Variants in PCDHGA3 observed in about 807,000 individuals in gnomAD.
The protein encoded by PCDHGA3 is protocadherin gamma subfamily A, 3, also known as protocadherin gamma-A3.
In PCDHGA3, 40 loss-of-function variants were observed where a neutral mutation model predicts 58.5. The ratio of observed to expected loss-of-function variants is 0.68; its 90% CI spans 0.53 to 0.89. PCDHGA3 has a LOEUF of 0.89. Among genes scored for constraint, PCDHGA3 ranks in the 40% least tolerant of loss-of-function variants. The probability of loss-of-function intolerance (pLI) is 0.00; values close to 1 mark genes in which losing one functional copy is unlikely to be tolerated. For missense variants in PCDHGA3, 1,223 were observed against 1,195.9 expected, an observed-to-expected ratio of 1.02 and a Z score of -0.33; for synonymous variants, 530 against 525.7, an observed-to-expected ratio of 1.01 and a Z score of -0.11.
In PCDHGA3 at chr5:141,477,211, C is replaced by T. The variant is rs1282763530; in HGVS notation, c.2425-17596C>T. On this transcript the variant is annotated intron_variant, in intron 1 of 3. Coordinates refer to ENST00000253812, the MANE Select transcript of PCDHGA3 (RefSeq NM_018916.4). The surrounding 1 kb of genome is among the most constrained non-coding windows in gnomAD (Gnocchi z 4.9). ...TGTACAGCCCAGTACCCGAGGATGC[C>T]CCTCTGGGGACTGTCATCGCTTTGC... 2 of 1,614,154 alleles carry T rather than the reference C, an allele frequency of 1.2e-6. No individual in the cohort carries two copies. Among genetic ancestry groups the T allele is most frequent in the East Asian group, 4.5e-5 (2 of 44,870 alleles).
rs758099753 is a variant in PCDHGA3, at chr5:141,432,129, A to G, written c.2425-62678A>G. The G allele has an allele frequency of 5.6e-6, 9 of 1,614,054 alleles. No homozygotes were observed. The highest frequency in any genetic ancestry group is 5.5e-5 in the South Asian group (5 of 91,056). On this transcript the variant is annotated intron_variant, in intron 1 of 3. Transcript: ENST00000253812. The surrounding 1 kb of genome is among the most constrained non-coding windows in gnomAD (Gnocchi z 6.0). Reference sequence around the variant, plus strand: ...CCGCCGGTCTTCCCTCAGGCCTCCTATTCCGCTTATATCCCAGAGAACAAT... The same window carrying G: ...CCGCCGGTCTTCCCTCAGGCCTCCTGTTCCGCTTATATCCCAGAGAACAAT...
chr5:141,497,210 G>T (rs988856908), intron 2 of PCDHGA3, among the ~76,000 whole-genome samples: 1 of 28,140 alleles, frequency 3.6e-5, no homozygotes, highest in African/African-American at 1.1e-3. Context: ...TGAGTGTAAT[G>T]GGGGGGGGAA....
At chr5:141,504,302 C>T (rs969760258) in intron 2 of PCDHGA3, among the ~76,000 whole-genome samples, 9 of 152,004 alleles carry the variant, frequency 5.9e-5, no homozygotes, top group African/African-American at 1.5e-4. Context: ...TTTCAACACT[C>T]GGAGTTTCTA....
At chr5:141,422,279 C>T (rs1344316011) in intron 1 of PCDHGA3, 1 of 1,557,956 alleles carries the variant, frequency 6.4e-7, no homozygotes, top group Non-Finnish European at 8.6e-7. Context: ...ATAACTATCA[C>T]CTCTTCTATT....
intron 1 of PCDHGA3, chr5:141,409,079 T>C (rs2095221320): frequency 2.5e-6 from 4 of 1,613,908 alleles, no homozygotes; most frequent in Non-Finnish European, 3.4e-6. Context: ...ACATATGTTC[T>C]CATTGGATGA....
In PCDHGA3 at chr5:141,344,463, GAACT is replaced by G; in HGVS notation, c.434_437del (p.Leu145ArgfsTer17). The stretch of plus-strand genomic sequence containing the variant: ...AGAGGAATTGGAAATAAAAATTGGT[GAACT>G]AACGGTTCCTGGAACCCGATTTCCA... On this transcript the variant is annotated frameshift_variant, in exon 1 of 4. Transcript: ENST00000253812. LOFTEE classifies it high-confidence loss of function. The G allele has an allele frequency of 6.2e-7, 1 of 1,613,882 alleles. No homozygotes were observed. Among genetic ancestry groups the G allele is most frequent in the South Asian group, 1.1e-5 (1 of 91,072 alleles).
At chr5:141,419,190 A>G in intron 1 of PCDHGA3, 1 of 1,613,930 alleles carries the variant, frequency 6.2e-7, no homozygotes, top group South Asian at 1.1e-5. Flanking sequence ...CACATTACTG[A>G]CGTCAATGAC....
rs771155381 is a variant in PCDHGA3, at chr5:141,355,726, G to T, written c.2424+9269G>T. 5.6e-6 allele frequency: 9 copies of T among 1,613,978 alleles called. No individual in the cohort carries two copies. In the South Asian group the frequency reaches 9.9e-5, roughly 18 times the overall value. ...GCAGGGTTACCAGCTCAACTCAAAC[G>T]GTTACTTTTCCCTGGACGTGCAAAG... is the stretch of plus-strand genomic sequence containing the variant. On this transcript the variant is annotated intron_variant, in intron 1 of 3. Coordinates refer to ENST00000253812, the MANE Select transcript of PCDHGA3 (RefSeq NM_018916.4).
At chr5:141,467,285 T>G (rs6870144) in intron 1 of PCDHGA3, among the ~76,000 whole-genome samples, 42,564 of 152,010 alleles carry the variant, frequency 0.28, 6,785 homozygotes, top group African/African-American at 0.45. Context: ...ACTCTTGACC[T>G]CAAGTGATCC....
In PCDHGA3 at chr5:141,485,051, CCGAACCGCG is replaced by C. The variant is rs2099605816; in HGVS notation, c.2425-9754_2425-9746del. On this transcript the variant is annotated intron_variant, in intron 1 of 3. Coordinates refer to ENST00000253812, the MANE Select transcript of PCDHGA3 (RefSeq NM_018916.4). This position sits in a 1 kb window ranked among gnomAD's most constrained non-coding sequence, Gnocchi z 5.7. ...CGGCGCGTAACCCTTGCGGCGCCGG[CCGAACCGCG>C]CCAGAGCTGGCGCGGGGAAAGGGAG... 1.2e-6 allele frequency: 1 copy of C among 801,304 alleles called. No individual in the cohort carries two copies. Among genetic ancestry groups the C allele is most frequent in the East Asian group, 2.5e-5 (1 of 40,224 alleles). 49.6% of individuals were successfully genotyped at this position (801,304 alleles called of 1,614,324 possible). A position where few individuals can be genotyped will look rare whatever the true frequency, so the allele number is the denominator to read the frequency against.
chr5:141,344,603 G>GT lies in PCDHGA3; in HGVS notation c.571dup (p.Tyr191LeufsTer13). 6.2e-7 allele frequency: 1 copy of GT among 1,613,990 alleles called. No individual in the cohort carries two copies. The highest frequency in any genetic ancestry group is 1.7e-5 in the Admixed American group (1 of 60,030). The stretch of plus-strand genomic sequence containing the variant: ...TGAATAGCGTCTCTGAGGGGGCCAA[G>GT]TATCCAGAGCTGGTGCTGGAGCGGG... On this transcript the variant is annotated frameshift_variant, in exon 1 of 4. Coordinates refer to ENST00000253812, the MANE Select transcript of PCDHGA3 (RefSeq NM_018916.4). LOFTEE classifies it high-confidence loss of function.
At chr5:141,384,969 G>C (rs996601457) in intron 1 of PCDHGA3, 1 of 1,614,014 alleles carries the variant, frequency 6.2e-7, no homozygotes, top group Admixed American at 1.7e-5. Flanking sequence ...ATGACCTCAC[G>C]TTGTACCTGG....
At chr5:141,346,661 T>C (rs1209345450) in intron 1 of PCDHGA3, 3 of 736,598 alleles carry the variant, frequency 4.1e-6, no homozygotes, top group South Asian at 2.0e-5. Flanking sequence ...AGGGAAAAAA[T>C]AATACATCGT....
rs376526750 is a variant in PCDHGA3 at position 141,476,593 on chromosome 5, G to T, written c.2425-18214G>T. The T allele has an allele frequency of 8.5e-5, 138 of 1,614,104 alleles. No individual in the cohort carries two copies. The highest frequency in any genetic ancestry group is 1.1e-4 in the Non-Finnish European group (133 of 1,180,044). On this transcript the variant is annotated intron_variant, in intron 1 of 3. Transcript: ENST00000253812. The surrounding 1 kb of genome is among the most constrained non-coding windows in gnomAD (Gnocchi z 7.6). ...GGACGCGCTTTCCGCTCGAGAGCGCGCACGATCCCGATGTGGGAAGCAACT... is the reference window on the plus strand; with the variant it reads ...GGACGCGCTTTCCGCTCGAGAGCGCTCACGATCCCGATGTGGGAAGCAACT...
intron 1 of PCDHGA3, among the ~76,000 whole-genome samples, chr5:141,429,326 T>A (rs571458414): frequency 6.6e-6 from 1 of 152,230 alleles, no homozygotes; most frequent in East Asian, 1.9e-4. Context: ...TTTTCTTTAA[T>A]CCATTAACTA....
rs555568322 is a variant in PCDHGA3 at position 141,366,458 on chromosome 5, G to C, written c.2424+20001G>C. The C allele has an allele frequency of 1.2e-5, 20 of 1,614,092 alleles. No individual in the cohort carries two copies. In the East Asian group the frequency reaches 2.9e-4, roughly 23 times the overall value. ...CTGCGTCTTCCTGGCCTTCGTCATC[G>C]TGCTGCTGGTGCTCAGACTGAGGCG... On this transcript the variant is annotated intron_variant, in intron 1 of 3. Coordinates refer to ENST00000253812, the MANE Select transcript of PCDHGA3 (RefSeq NM_018916.4).
At chr5:141,435,995 A>C (rs1033174115) in intron 1 of PCDHGA3, among the ~76,000 whole-genome samples, 2 of 152,144 alleles carry the variant, frequency 1.3e-5, no homozygotes, top group African/African-American at 4.8e-5. Context: ...TGATTTTTTG[A>C]AAGAAAGTAT....
chr5:141,403,719 C>T (rs758160960), intron 1 of PCDHGA3: 2 of 1,613,864 alleles, frequency 1.2e-6, no homozygotes, highest in Non-Finnish European at 1.7e-6. Context: ...GAGAACGTGC[C>T]CCCAGGCACC....
intron 1 of PCDHGA3, chr5:141,383,092 C>G (rs200016406): frequency 6.2e-7 from 1 of 1,613,932 alleles, no homozygotes; most frequent in South Asian, 1.1e-5. Context: ...GCGCGGAGTC[C>G]GCATCATCTC....
Sources: allele counts gnomAD v4.1 joint callset (sites outside exome capture counted in the v4.1 genomes callset), GRCh38; gene constraint gnomAD v4.1.1; non-coding constraint Gnocchi (gnomAD v3.1); transcripts MANE v1.5; gene names NCBI Gene and HGNC (gene_info 2026-07-23, HGNC 2026-07-21).